Variants in CLUL1 observed in about 807,000 individuals in gnomAD.
CLUL1 encodes the protein clusterin-like protein 1.
Under a neutral mutation model 49.4 loss-of-function variants are expected in CLUL1, and 43 were observed. The observed-to-expected ratio is 0.87, with a 90% CI of 0.68 to 1.12. CLUL1 has a LOEUF of 1.12. Among genes scored for constraint, CLUL1 ranks in the 50% most tolerant of loss-of-function variants. The probability of loss-of-function intolerance (pLI) is 0.00; values close to 1 mark genes in which losing one functional copy is unlikely to be tolerated. For synonymous variants in CLUL1, 192 were observed against 184.9 expected (o/e 1.04, Z -0.31); for missense variants, 486 against 544.4 (o/e 0.89, Z 1.07).
chr18:616,360 C>G (rs1296607711), intron 2 of CLUL1, among the ~76,000 whole-genome samples: 4 of 152,104 alleles, frequency 2.6e-5, no homozygotes, highest in African/African-American at 9.7e-5. Flanking sequence ...ACTGTTTTAT[C>G]TAAGAGTTTA....
chr18:623,688 T>C (rs1200811678), intron 4 of CLUL1, among the ~76,000 whole-genome samples: 1 of 150,990 alleles, frequency 6.6e-6, no homozygotes, highest in East Asian at 1.9e-4. Flanking sequence ...ATTCCAAAAT[T>C]GTTCTACAAA....
intron 8 of CLUL1, 56 bp downstream of exon 8, chr18:641,597 A>G (rs1003464676): frequency 1.4e-6 from 2 of 1,388,360 alleles, no homozygotes; most frequent in African/African-American, 2.8e-5. Context: ...CCTTGATTTC[A>G]CTGTTAATTT....
chr18:610,474 T>C (rs977202269), intron 2 of CLUL1, among the ~76,000 whole-genome samples: 1 of 152,116 alleles, frequency 6.6e-6, no homozygotes, highest in African/African-American at 2.4e-5. Flanking sequence ...GGTTAGGAAC[T>C]GTTGAAACTG....
chr18:626,905 A>G (rs865913089), intron 5 of CLUL1, among the ~76,000 whole-genome samples, 192 bp from the exon 6 acceptor site: 54 of 800 alleles, frequency 0.068, 7 homozygotes, highest in East Asian at 1. Context: ...GAAAGAAAGA[A>G]AGAAAGAAAG....
At chr18:612,753 T>C (rs4798418) in intron 2 of CLUL1, 53,127 of 152,108 alleles carry the variant, frequency 0.35, 9,518 homozygotes, top group East Asian at 0.59. Flanking sequence ...TATTTATTTG[T>C]GTATTGTCCA....
Position 627,361 on chromosome 18 carries a change from C to G in CLUL1, c.688C>G (p.Pro230Ala), listed in dbSNP as rs2073840487. The G allele has an allele frequency of 6.2e-7, 1 of 1,614,100 alleles. No homozygotes were observed. Among genetic ancestry groups the G allele is most frequent in the Admixed American group, 1.7e-5 (1 of 60,012 alleles). Reference sequence around the variant, plus strand: ...AGACCTAACTGAGCCTTACTTTTTTCCAGCTTTCTCTAAAGAGCCGATGAC... The same window carrying G: ...AGACCTAACTGAGCCTTACTTTTTTGCAGCTTTCTCTAAAGAGCCGATGAC... ...DTDLTEPYFF[P>A]AFSKEPMTKA... Residue 230 changes from proline (P) to alanine (A), a missense_variant, in exon 6 of 10, where the codon CCA becomes GCA. Pro to Ala is a conservative substitution (Grantham distance 27). Transcript: ENST00000692774.
intron 1 of CLUL1, among the ~76,000 whole-genome samples, chr18:599,824 C>G (rs574925277): frequency 8.3e-4 from 126 of 151,802 alleles, no homozygotes; most frequent in African/African-American, 2.8e-3. Context: ...CCCAGCTACT[C>G]ATAGTCCCAG....
At chr18:645,724 G>A (rs1361881617) in intron 9 of CLUL1, among the ~76,000 whole-genome samples, 1 of 142,966 alleles carries the variant, frequency 7.0e-6, no homozygotes, top group East Asian at 2.1e-4. Flanking sequence ...AACCCGGGAG[G>A]CAGAGCTTGC....
intron 9 of CLUL1, among the ~76,000 whole-genome samples, chr18:648,595 T>G (rs1054612386): frequency 6.6e-6 from 1 of 152,114 alleles, no homozygotes; most frequent in Non-Finnish European, 1.5e-5. Context: ...TATATATATA[T>G]ATAGCTATAT....
chr18:636,083 T>C (rs1333273992), intron 7 of CLUL1, among the ~76,000 whole-genome samples: 1 of 152,172 alleles, frequency 6.6e-6, no homozygotes, highest in Non-Finnish European at 1.5e-5. Flanking sequence ...ACATATTGGC[T>C]TTTAAAGTAT....
At chr18:614,329 AGGGAG>A (rs1368648051) in intron 2 of CLUL1, among the ~76,000 whole-genome samples, 7 of 63,818 alleles carry the variant, frequency 1.1e-4, no homozygotes, top group African/African-American at 2.4e-4. Context: ...GAGGGAAGGA[AGGGAG>A]GGAAGGAAGG....
At position 618,111 on chromosome 18, in the gene CLUL1, G is replaced by C. The variant is rs749716302; in HGVS notation, c.106+5G>C. The C allele has an allele frequency of 1.2e-6, 2 of 1,605,424 alleles. No individual in the cohort carries two copies. The highest frequency in any genetic ancestry group is 2.7e-5 in the African/African-American group (2 of 74,856). ...CTATCAGTGAAAACCTGAAGAGTACGTTTGGTTTCTTATCTGTGCTGTGTC... is the reference window on the plus strand; with the variant it reads ...CTATCAGTGAAAACCTGAAGAGTACCTTTGGTTTCTTATCTGTGCTGTGTC... On this transcript the variant is annotated splice_donor_5th_base_variant and intron_variant, in intron 3 of 9. Coordinates refer to ENST00000692774, the MANE Select transcript of CLUL1 (RefSeq NM_001393344.1). This position sits in a 1 kb window ranked among gnomAD's most constrained non-coding sequence, Gnocchi z 4.2.
intron 7 of CLUL1, among the ~76,000 whole-genome samples, chr18:637,817 T>C (rs1371861788): frequency 1.3e-5 from 2 of 151,846 alleles, no homozygotes. Context: ...CTACTAAAAA[T>C]ACAAAAATTA....
chr18:602,315 C>G (rs1325830795), intron 1 of CLUL1, among the ~76,000 whole-genome samples: 4 of 152,160 alleles, frequency 2.6e-5, no homozygotes, highest in African/African-American at 7.2e-5. Flanking sequence ...TGTTCTCCCC[C>G]TCTCCTCCAG....
intron 2 of CLUL1, among the ~76,000 whole-genome samples, chr18:609,641 T>C (rs1321802610): frequency 6.6e-6 from 1 of 152,062 alleles, no homozygotes; most frequent in East Asian, 1.9e-4. Flanking sequence ...CTGGCCAACA[T>C]GGTGAAACCC....
In CLUL1 at chr18:615,370, T is replaced by C. The variant is rs573460845; in HGVS notation, c.-13-2618T>C. 1.5e-4 allele frequency among the ~76,000 whole-genome samples: 23 copies of C among 152,306 alleles called. 1 individual carries two copies. The East Asian group carries it at 4.4e-3, about 29-fold the overall frequency. Reference sequence around the variant, plus strand: ...GGAACATGGATTAAAGAAAAAAATCTGCTACTAGGAAGTAAGCCATCTTTC... The same window carrying C: ...GGAACATGGATTAAAGAAAAAAATCCGCTACTAGGAAGTAAGCCATCTTTC... On this transcript the variant is annotated intron_variant, in intron 2 of 9. Transcript: ENST00000692774.
intron 9 of CLUL1, among the ~76,000 whole-genome samples, chr18:645,806 A>AT (rs1444864133): frequency 2.5e-4 from 13 of 51,854 alleles, no homozygotes; most frequent in South Asian, 7.5e-4. Flanking sequence ...AAAAAAAAAA[A>AT]AAAAATATAT....
rs542142880 is a variant in CLUL1 at position 632,326 on chromosome 18, G to GTC, written c.857-971_857-970insCT. On this transcript the variant is annotated intron_variant, in intron 6 of 9. Coordinates refer to ENST00000692774, the MANE Select transcript of CLUL1 (RefSeq NM_001393344.1). ...CACACATACTCGCACACATATGTGT[G>GTC]TATATATATGTGTGTGTGTGTGTGT... 4.9e-4 allele frequency among the ~76,000 whole-genome samples: 60 copies of GTC among 123,250 alleles called. 1 individual carries two copies. The South Asian group carries it at 0.014, about 29-fold the overall frequency. The allele number at this position is 123,250 out of a possible 152,430, so 80.9% of individuals were successfully genotyped here. A position where few individuals can be genotyped will look rare whatever the true frequency, so the allele number is the denominator to read the frequency against.
intron 9 of CLUL1, among the ~76,000 whole-genome samples, chr18:647,852 T>C (rs1256983567): frequency 6.6e-6 from 1 of 152,176 alleles, no homozygotes; most frequent in African/African-American, 2.4e-5. Context: ...TAAGTTGACA[T>C]TTACCCATGT....
Sources: gnomAD v4.1 joint callset for allele counts (sites outside exome capture counted in the v4.1 genomes callset) on GRCh38, gnomAD v4.1.1 for gene constraint, Gnocchi (gnomAD v3.1) non-coding constraint, MANE v1.5 for transcripts, NCBI Gene and HGNC (gene_info 2026-07-23, HGNC 2026-07-21) for gene names.